KIF1A: variants seen among roughly 807,000 people sequenced by gnomAD.
The protein encoded by KIF1A is kinesin family member 1A.
In KIF1A, 46 loss-of-function variants were observed where a neutral mutation model predicts 227.3. The ratio of observed to expected loss-of-function variants is 0.20; its 90% CI spans 0.16 to 0.26. The LOEUF is 0.26. Ranked by LOEUF, KIF1A falls within the 10% of genes least tolerant of loss-of-function variation. KIF1A has a pLI of 1.00. For missense variants in KIF1A, 1,683 were observed against 2,485.9 expected (o/e 0.68, Z 6.87); for synonymous variants, 1,022 against 1,012.8 (o/e 1.01, Z -0.17).
At chr2:240,779,113 G>C (rs978880996) in intron 10 of KIF1A, among the ~76,000 whole-genome samples, 1 of 147,110 alleles carries the variant, frequency 6.8e-6, no homozygotes, top group African/African-American at 2.7e-5. Flanking sequence ...TCCTCACTCA[G>C]TTCCTCATAG....
rs1385607743 is a variant in KIF1A at position 240,717,065 on chromosome 2, TA to T, written c.*298del. 7 of 420,578 alleles carry T rather than the reference TA, an allele frequency of 1.7e-5. No individual in the cohort carries two copies. Among genetic ancestry groups the T allele is most frequent in the Non-Finnish European group, 2.5e-5 (6 of 235,452 alleles). 26.1% of individuals were successfully genotyped at this position (420,578 alleles called of 1,614,324 possible). The stretch of plus-strand genomic sequence containing the variant: ...TATTAATTATAAGTCTGTCTATGCT[TA>T]AAAAAATATTAGAACGGCAGCAAGA... On this transcript the variant is annotated 3_prime_UTR_variant, in exon 49 of 49. Transcript: ENST00000498729.
At chr2:240,759,141 ATGAGTGTG>A (rs1412990187) in intron 25 of KIF1A, among the ~76,000 whole-genome samples, 4 of 98,420 alleles carry the variant, frequency 4.1e-5, no homozygotes, top group African/African-American at 1.3e-4. Flanking sequence ...ATGAATGCTT[ATGAGTGTG>A]TGTGTGTGTG....
At chr2:240,815,870 C>T (rs1364145414) in intron 1 of KIF1A, among the ~76,000 whole-genome samples, 2 of 152,174 alleles carry the variant, frequency 1.3e-5, no homozygotes, top group Non-Finnish European at 2.9e-5. Flanking sequence ...GGGGTCCGAG[C>T]CAAGCGGTGC....
At chr2:240,743,051 A>G (rs2048178325) in intron 33 of KIF1A, 67 bp from the exon 34 acceptor site, 3 of 1,313,216 alleles carry the variant, frequency 2.3e-6, no homozygotes, top group Non-Finnish European at 3.1e-6. Flanking sequence ...AAGGAGACAG[A>G]AGGGCTACAG....
In KIF1A at chr2:240,789,085, G is replaced by C. The variant is rs2055316033; in HGVS notation, c.183+151C>G. The C allele has an allele frequency of 3.1e-6, 2 of 640,258 alleles. No homozygotes were observed. Among genetic ancestry groups the C allele is most frequent in the Non-Finnish European group, 5.5e-6 (2 of 360,458 alleles). 39.7% of individuals were successfully genotyped at this position (640,258 alleles called of 1,614,324 possible). ...AGCCTCCATCACTGCCTTCGCTGAG[G>C]ACCGCTCAGGGTGACCTTCCAGGGG... On this transcript the variant is annotated intron_variant, in intron 3 of 48. Coordinates refer to ENST00000498729, the MANE Select transcript of KIF1A (RefSeq NM_001244008.2). The surrounding 1 kb of genome is among the most constrained non-coding windows in gnomAD (Gnocchi z 4.8).
Position 240,743,618 on chromosome 2 carries a change from G to A in KIF1A, c.3584+324C>T, listed in dbSNP as rs565570544. Among the ~76,000 whole-genome samples, 763 of 152,306 alleles carry A rather than the reference G, an allele frequency of 5.0e-3. 6 individuals are homozygous for A. The highest frequency in any genetic ancestry group is 8.7e-3 in the Non-Finnish European group (593 of 68,018). On this transcript the variant is annotated intron_variant, in intron 33 of 48. Transcript: ENST00000498729. ...GCTGGGCCCCTTTCCTGGGGTCCTC[G>A]GTGGGCAGCAGAAGTGGTCTCCCCG...
rs2050120947 is a variant in KIF1A at position 240,758,395 on chromosome 2, G to A, written c.2547C>T (p.Phe849=). 2 of 1,613,140 alleles carry A rather than the reference G, an allele frequency of 1.2e-6. No homozygotes were observed. Among genetic ancestry groups the A allele is most frequent in the Non-Finnish European group, 1.7e-6 (2 of 1,179,460 alleles). The part of the protein sequence containing the change: ...CDNVVTGGDP[F]YDRFPWFRLV... ...GCCGGAACCAGGGGAAGCGGTCATA[G>A]AAGGGGTCTCCGCCGGTCACCACGT... Residue 849 remains phenylalanine, a synonymous_variant, in exon 26 of 49, where the codon TTC becomes TTT. Transcript: ENST00000498729. This position sits in a 1 kb window ranked among gnomAD's most constrained non-coding sequence, Gnocchi z 5.2.
intron 38 of KIF1A, among the ~76,000 whole-genome samples, chr2:240,732,509 G>C (rs1232451960): frequency 2.2e-5 from 3 of 138,004 alleles, no homozygotes; most frequent in African/African-American, 5.4e-5. Context: ...AGGAGGAATT[G>C]AGTGAGGAAA....
intron 2 of KIF1A, among the ~76,000 whole-genome samples, chr2:240,796,845 G>C (rs748219162): frequency 2.0e-5 from 3 of 152,158 alleles, no homozygotes; most frequent in African/African-American, 4.8e-5. Flanking sequence ...AGCAGGCCTC[G>C]GAGACTAAAC....
rs1233334540 is a variant in KIF1A at position 240,752,908 on chromosome 2, G to A, written c.2859-2361C>T. Among the ~76,000 whole-genome samples, 1 of 152,178 alleles carries A rather than the reference G, an allele frequency of 6.6e-6. No individual in the cohort carries two copies. The highest frequency in any genetic ancestry group is 1.5e-5 in the Non-Finnish European group (1 of 68,016). On this transcript the variant is annotated intron_variant, in intron 27 of 48. Transcript: ENST00000498729. The surrounding 1 kb of genome is among the most constrained non-coding windows in gnomAD (Gnocchi z 6.4). ...CGGGGTTCCTGAATCCATTGGCGCAGCTCACAGGAAGGAGAGGCTAGAGCT... is the reference window on the plus strand; with the variant it reads ...CGGGGTTCCTGAATCCATTGGCGCAACTCACAGGAAGGAGAGGCTAGAGCT...
intron 5 of KIF1A, among the ~76,000 whole-genome samples, chr2:240,786,732 G>T (rs1287262056): frequency 2.8e-5 from 4 of 142,882 alleles, no homozygotes; most frequent in Non-Finnish European, 4.5e-5. Flanking sequence ...GGGGGTGGGG[G>T]CTGCCTGCTG....
At chr2:240,720,479 G>A (rs1436316777) in intron 45 of KIF1A, 1 of 159,368 alleles carries the variant, frequency 6.3e-6, no homozygotes, top group Non-Finnish European at 1.4e-5. Context: ...AGAGTGAAAA[G>A]CATCTGCCTG....
chr2:240,720,163 G>GGCT, intron 45 of KIF1A: 1 of 413,132 alleles, frequency 2.4e-6, no homozygotes, highest in Non-Finnish European at 4.3e-6. Context: ...GAACCTCGGG[G>GGCT]CCCAGCCAGG....
chr2:240,718,951 G>C, intron 47 of KIF1A, 55 bp downstream of exon 47: 1 of 1,440,216 alleles, frequency 6.9e-7, no homozygotes, highest in South Asian at 1.2e-5. Flanking sequence ...TGGTGGCTCA[G>C]CTCCTGCCCT....
At chr2:240,800,965 A>G (rs1275258837) in intron 1 of KIF1A, among the ~76,000 whole-genome samples, 1 of 151,362 alleles carries the variant, frequency 6.6e-6, no homozygotes, top group East Asian at 2.0e-4. Context: ...TGCCTGGGAG[A>G]GAAAATGGAA....
Position 240,747,279 on chromosome 2 carries a change from G to C in KIF1A, c.3020C>G (p.Ser1007Trp). 6.2e-7 allele frequency: 1 copy of C among 1,613,410 alleles called. No homozygotes were observed. Among genetic ancestry groups the C allele is most frequent in the Non-Finnish European group, 8.5e-7 (1 of 1,179,616 alleles). The change falls in exon 29 of 49, where the codon TCG becomes TGG. Residue 1007 changes from serine (S) to tryptophan (W), a missense_variant. Ser to Trp is a radical substitution (Grantham distance 177). Transcript: ENST00000498729. The stretch of plus-strand genomic sequence containing the variant: ...ATCAAAGGAGATTTTAGCAGTTCCC[G>C]ACTGGCGGACGCCAGAGCCATAATC... ...APDYGSGVRQ[S>W]GTAKISFDDQ...
At chr2:240,734,794 CGGGAGCGGGGT>C in intron 38 of KIF1A, 1 of 1,286,134 alleles carries the variant, frequency 7.8e-7, no homozygotes, top group Non-Finnish European at 1.0e-6. Flanking sequence ...GGCAGCGCAG[CGGGAGCGGGGT>C]GGGGGACAGG....
chr2:240,812,962 C>A (rs570439300), intron 1 of KIF1A, among the ~76,000 whole-genome samples: 12 of 82,740 alleles, frequency 1.5e-4, no homozygotes, highest in African/African-American at 4.9e-4. Flanking sequence ...CTCAAGGATC[C>A]ACCTTCACCT....
chr2:240,757,423 ATCCTCC>A lies in KIF1A; in HGVS notation c.2748_2753del (p.Glu916_Glu917del), dbSNP rs10594016. ...CGTCCTCCAGGTCCTCCTCCTCCTC[ATCCTCC>A]TCCTCCTCCTCCTCCTCCTCCTCCT... On this transcript the variant is annotated inframe_deletion, in exon 27 of 49. Transcript: ENST00000498729. The surrounding 1 kb of genome is among the most constrained non-coding windows in gnomAD (Gnocchi z 6.2). The A allele has an allele frequency of 0.017, 23,121 of 1,355,642 alleles. 153 individuals are homozygous for A. Among genetic ancestry groups the A allele is most frequent in the African/African-American group, 0.022 (1,306 of 60,702 alleles). The allele number at this position is 1,355,642 out of a possible 1,614,324, so 84.0% of individuals were successfully genotyped here. A position where few individuals can be genotyped will look rare whatever the true frequency, so the allele number is the denominator to read the frequency against.
Sources: allele counts gnomAD v4.1 joint callset (sites outside exome capture counted in the v4.1 genomes callset), GRCh38; gene constraint gnomAD v4.1.1; non-coding constraint Gnocchi (gnomAD v3.1); transcripts MANE v1.5; gene names NCBI Gene and HGNC (gene_info 2026-07-23, HGNC 2026-07-21).